Variants in THSD7A observed in about 807,000 individuals in gnomAD.
The protein encoded by THSD7A is thrombospondin type 1 domain containing 7A.
In THSD7A, 96 loss-of-function variants were observed where a neutral mutation model predicts 231.3. That is an observed-to-expected ratio of 0.41 (90% confidence interval 0.35 to 0.49). The LOEUF (loss-of-function observed/expected upper bound fraction) is 0.49, where lower values mean the gene tolerates loss of function less well. Ranked by LOEUF, THSD7A falls within the 20% of genes least tolerant of loss-of-function variation. THSD7A has a pLI of 0.05. For missense variants in THSD7A, 2,290 were observed against 2,070.2 expected (o/e 1.11, Z -2.06); for synonymous variants, 940 against 743.3 (o/e 1.26, Z -4.30).
chr7:11,677,075 G>C (rs1250475072), intron 1 of THSD7A, among the ~76,000 whole-genome samples: 1 of 152,176 alleles, frequency 6.6e-6, no homozygotes, highest in Non-Finnish European at 1.5e-5. Context: ...TCTCTCTGCA[G>C]AAATCCTACA....
At chr7:11,547,697 T>C (rs1789456832) in intron 4 of THSD7A, among the ~76,000 whole-genome samples, 1 of 152,136 alleles carries the variant, frequency 6.6e-6, no homozygotes, top group Admixed American at 6.5e-5. Context: ...CAGAAGTTAA[T>C]ACTAAGATGA....
chr7:11,484,255 T>C (rs1428102164), intron 6 of THSD7A, among the ~76,000 whole-genome samples: 1 of 152,096 alleles, frequency 6.6e-6, no homozygotes, highest in East Asian at 1.9e-4. Flanking sequence ...ACTGTTCTGA[T>C]CACTGTCTCA....
intron 1 of THSD7A, among the ~76,000 whole-genome samples, chr7:11,797,495 T>C (rs1372673857): frequency 6.6e-6 from 1 of 150,442 alleles, no homozygotes; most frequent in Non-Finnish European, 1.5e-5. Context: ...TGGCTCACTG[T>C]AGCCTTGACC....
intron 1 of THSD7A, among the ~76,000 whole-genome samples, chr7:11,790,854 T>G (rs1442042152): frequency 6.6e-6 from 1 of 151,934 alleles, no homozygotes. Flanking sequence ...TTCTCTAATT[T>G]TTATACAAAA....
At chr7:11,542,853 C>A in intron 5 of THSD7A, 109 bp downstream of exon 5, 2 of 1,215,198 alleles carry the variant, frequency 1.6e-6, no homozygotes, top group Non-Finnish European at 1.1e-6. Context: ...AGTCTTTAGC[C>A]ATTCTGGAAA....
chr7:11,537,451 G>A (rs1352538174), intron 6 of THSD7A, among the ~76,000 whole-genome samples: 1 of 152,158 alleles, frequency 6.6e-6, no homozygotes, highest in Non-Finnish European at 1.5e-5. Flanking sequence ...CCTTATGATA[G>A]TGAGTGAGTT....
chr7:11,381,880 A>C (rs1478272006), intron 24 of THSD7A, among the ~76,000 whole-genome samples: 1 of 152,092 alleles, frequency 6.6e-6, no homozygotes, highest in Non-Finnish European at 1.5e-5. Context: ...TAGTAATTCC[A>C]CACTAGAGTA....
Position 11,412,670 on chromosome 7 carries a change from T to A in THSD7A, c.3668A>T (p.Asp1223Val). The change falls in exon 18 of 28, where the codon GAT (aspartate) becomes GTT (valine). Residue 1223 changes from aspartate to valine, a missense_variant. Asp to Val is a radical substitution (Grantham distance 152). Transcript: ENST00000423059. ...CNLNKNCYHY[D>V]YNVTDWSTCQ... is the part of the protein sequence containing the mutation. Reference sequence around the variant, plus strand: ...GATCCATGTACCTGTTACATTATAATCATAGTGGTAGCAGTTTTTGTTCAG... The same window carrying A: ...GATCCATGTACCTGTTACATTATAAACATAGTGGTAGCAGTTTTTGTTCAG... 2.5e-6 allele frequency: 4 copies of A among 1,613,804 alleles called. No homozygotes were observed. The highest frequency in any genetic ancestry group is 3.4e-6 in the Non-Finnish European group (4 of 1,179,780).
In THSD7A at chr7:11,425,731, T is replaced by TACACACACACACACACAC. The variant is rs3086973; in HGVS notation, c.3249+917_3250-903dup. On this transcript the variant is annotated intron_variant, in intron 15 of 27. Transcript: ENST00000423059. ...GATAGTCCAACTCTATCCCTTATTT[T>TACACACACACACACACAC]ACACACACACACACACACACACACA... Among the ~76,000 whole-genome samples, 316 of 145,786 alleles carry TACACACACACACACACAC rather than the reference T, an allele frequency of 2.2e-3. 2 individuals carry two copies. Among genetic ancestry groups the TACACACACACACACACAC allele is most frequent in the African/African-American group, 7.5e-3 (291 of 38,882 alleles).
chr7:11,541,682 T>G (rs1789156487), intron 5 of THSD7A, 51 bp from the exon 6 acceptor site: 1 of 1,526,152 alleles, frequency 6.6e-7, no homozygotes, highest in Non-Finnish European at 9.0e-7. Context: ...AGGTTTAGTA[T>G]TTCAGAAAGT....
At chr7:11,451,780 T>TC (rs1402140058) in intron 11 of THSD7A, among the ~76,000 whole-genome samples, 1 of 152,032 alleles carries the variant, frequency 6.6e-6, no homozygotes, top group African/African-American at 2.4e-5. Flanking sequence ...CTGATGCAGC[T>TC]CTGAAGCAGA....
chr7:11,735,334 A>G (rs1237632061), intron 1 of THSD7A, among the ~76,000 whole-genome samples: 1 of 151,902 alleles, frequency 6.6e-6, no homozygotes, highest in African/African-American at 2.4e-5. Flanking sequence ...AATACAAAAA[A>G]TCCAAAATCT....
intron 13 of THSD7A, among the ~76,000 whole-genome samples, chr7:11,445,519 ATGTGTGTG>A (rs10691034): frequency 2.0e-5 from 3 of 149,082 alleles, no homozygotes; most frequent in Non-Finnish European, 4.5e-5. Flanking sequence ...CGTTTGTTTT[ATGTGTGTG>A]TGTGTGTGTG....
intron 4 of THSD7A, among the ~76,000 whole-genome samples, chr7:11,587,195 A>G (rs766296028): frequency 1.9e-4 from 29 of 152,206 alleles, no homozygotes; most frequent in Admixed American, 6.5e-4. Context: ...TCAACTTTCT[A>G]GGACTCATAC....
At chr7:11,680,753 G>A (rs545947029) in intron 1 of THSD7A, among the ~76,000 whole-genome samples, 1 of 152,110 alleles carries the variant, frequency 6.6e-6, no homozygotes, top group Non-Finnish European at 1.5e-5. Context: ...AGTGTCAGTG[G>A]GTGTGTAAAT....
chr7:11,721,440 C>A (rs77231175), intron 1 of THSD7A, among the ~76,000 whole-genome samples: 1 of 151,908 alleles, frequency 6.6e-6, no homozygotes, highest in East Asian at 2.0e-4. Flanking sequence ...GTAAGACATG[C>A]CTGCTGCCCC....
chr7:11,378,596 T>C (rs769092819), intron 26 of THSD7A: 2 of 160,436 alleles, frequency 1.2e-5, no homozygotes, highest in Admixed American at 6.1e-5. Context: ...TTAGGGCTAA[T>C]AGAAACTGGT....
At chr7:11,668,868 T>G (rs1182358171) in intron 1 of THSD7A, among the ~76,000 whole-genome samples, 1 of 152,176 alleles carries the variant, frequency 6.6e-6, no homozygotes, top group Non-Finnish European at 1.5e-5. Context: ...GGTTACTATA[T>G]ATAGGGTGTA....
chr7:11,500,296 A>C (rs1334732490), intron 6 of THSD7A, among the ~76,000 whole-genome samples: 1 of 152,116 alleles, frequency 6.6e-6, no homozygotes, highest in African/African-American at 2.4e-5. Context: ...TCATTACCAC[A>C]CAAGAGATCT....
Sources: gnomAD v4.1 joint callset for allele counts (sites outside exome capture counted in the v4.1 genomes callset) on GRCh38, gnomAD v4.1.1 for gene constraint, MANE v1.5 for transcripts, NCBI Gene and HGNC (gene_info 2026-07-23, HGNC 2026-07-21) for gene names.